Variants in WDR91 observed in about 807,000 individuals in gnomAD.
WDR91 encodes WD repeat-containing protein 91.
WDR91 carries 52 observed loss-of-function variants against 88.4 expected under a neutral mutation model. The ratio of observed to expected loss-of-function variants is 0.59; its 90% CI spans 0.47 to 0.74. The LOEUF is 0.74. Ranked by LOEUF, WDR91 falls within the 30% of genes least tolerant of loss-of-function variation. WDR91 has a pLI of 0.00. For synonymous variants in WDR91, 362 were observed against 389.5 expected, an observed-to-expected ratio of 0.93 and a Z score of 0.83; for missense variants, 824 against 954.5, an observed-to-expected ratio of 0.86 and a Z score of 1.80.
Position 135,209,576 on chromosome 7 carries a change from C to T in WDR91, c.303G>A (p.Gln101=). 1 of 1,573,182 alleles carries T rather than the reference C, an allele frequency of 6.4e-7. No individual in the cohort carries two copies. Among genetic ancestry groups the T allele is most frequent in the Non-Finnish European group, 8.6e-7 (1 of 1,158,292 alleles). Reference sequence around the variant, plus strand: ...GCAGAACCCCTGAATCAACAGGCACCTGGATTGTGTAGACAAGATAAAATC... The same window carrying T: ...GCAGAACCCCTGAATCAACAGGCACTTGGATTGTGTAGACAAGATAAAATC... ...LFRFYLVYTI[Q]TNRNDKAQEF... Residue 101 remains glutamine, a splice_region_variant and synonymous_variant, in exon 2 of 15, where the codon CAG becomes CAA. Transcript: ENST00000354475.
rs368896545 is a variant in WDR91, at chr7:135,186,178, C to T, written c.2217G>A (p.Leu739=). The T allele has an allele frequency of 1.2e-6, 2 of 1,605,582 alleles. No homozygotes were observed. The highest frequency in any genetic ancestry group is 8.5e-7 in the Non-Finnish European group (1 of 1,176,618). ...AGGCTTTATGGGCCAGGAGGGTGGT[C>T]AGCTTGATCTTGCCATCCATGGAGG... ...LTASMDGKIK[L]TTLLAHKA Residue 739 remains leucine (L), a synonymous_variant, in exon 15 of 15, where the codon CTG becomes CTA. Transcript: ENST00000354475.
rs1176432034 is a variant in WDR91 at position 135,206,412 on chromosome 7, A to G, written c.595-354T>C. On this transcript the variant is annotated intron_variant, in intron 4 of 14. Transcript: ENST00000354475. ...CTCTCAAAGCCTGACTCTGGAATGGAAAAAAAAAAAAAACCTGTTAATGAA... is the reference window on the plus strand; with the variant it reads ...CTCTCAAAGCCTGACTCTGGAATGGGAAAAAAAAAAAAACCTGTTAATGAA... Among the ~76,000 whole-genome samples, 8 of 16,144 alleles carry G rather than the reference A, an allele frequency of 5.0e-4. No homozygotes were observed. In the Non-Finnish European group the frequency reaches 0.013, roughly 25 times the overall value. 10.6% of individuals were successfully genotyped at this position (16,144 alleles called of 152,430 possible).
chr7:135,188,579 G>A (rs761931264), intron 12 of WDR91, 34 bp from the exon 13 acceptor site: 2 of 1,573,718 alleles, frequency 1.3e-6, no homozygotes, highest in Non-Finnish European at 1.7e-6. Context: ...TCACATCCTG[G>A]CCAGGGCTCT....
Position 135,207,197 on chromosome 7 carries a change from G to A in WDR91, c.517C>T (p.Pro173Ser), listed in dbSNP as rs771260259. 2 of 1,604,642 alleles carry A rather than the reference G, an allele frequency of 1.2e-6. No individual in the cohort carries two copies. Among genetic ancestry groups the A allele is most frequent in the Admixed American group, 3.3e-5 (2 of 59,752 alleles). ...TCCGCATCAAAGTTCAGGATCACAGGGACTGGTGCACGAAGTTAAAGAATA... is the reference window on the plus strand; with the variant it reads ...TCCGCATCAAAGTTCAGGATCACAGAGACTGGTGCACGAAGTTAAAGAATA... ...LSVLFQCMPV[P>S]VILNFDAECQ... Residue 173 changes from proline (P) to serine (S), a missense_variant, in exon 4 of 15, where the codon CCT becomes TCT. By Grantham distance (74) the Pro-to-Ser change is moderately conservative. Coordinates refer to ENST00000354475, the MANE Select transcript of WDR91 (RefSeq NM_014149.4).
chr7:135,193,869 C>T lies in WDR91; in HGVS notation c.1396-197G>A, dbSNP rs369511118. 85 of 573,320 alleles carry T rather than the reference C, an allele frequency of 1.5e-4. 1 individual carries two copies. Among genetic ancestry groups the T allele is most frequent in the African/African-American group, 1.3e-3 (70 of 53,446 alleles). 35.5% of individuals were successfully genotyped at this position (573,320 alleles called of 1,614,324 possible). On this transcript the variant is annotated intron_variant, in intron 9 of 14. Transcript: ENST00000354475. Reference sequence around the variant, plus strand: ...CAAAGACGTGAGAGCTGACCTTGAACTTCTAAGCAAAACCACAAAAAGTAT... The same window carrying T: ...CAAAGACGTGAGAGCTGACCTTGAATTTCTAAGCAAAACCACAAAAAGTAT...
Position 135,186,187 on chromosome 7 carries a change from C to T in WDR91, c.2208G>A (p.Lys736=). 6.2e-7 allele frequency: 1 copy of T among 1,607,452 alleles called. No individual in the cohort carries two copies. Reference sequence around the variant, plus strand: ...GGGCCAGGAGGGTGGTCAGCTTGATCTTGCCATCCATGGAGGCGGTGAGGC... The same window carrying T: ...GGGCCAGGAGGGTGGTCAGCTTGATTTTGCCATCCATGGAGGCGGTGAGGC... ...GTCLTASMDG[K]IKLTTLLAHK... Residue 736 remains lysine, a synonymous_variant, in exon 15 of 15, where the codon AAG becomes AAA. Coordinates refer to ENST00000354475, the MANE Select transcript of WDR91 (RefSeq NM_014149.4).
chr7:135,207,023 T>A, intron 4 of WDR91, 97 bp downstream of exon 4: 1 of 947,198 alleles, frequency 1.1e-6, no homozygotes, highest in Non-Finnish European at 1.6e-6. Flanking sequence ...GTAGTGGCAG[T>A]GGAAACCTGA....
Position 135,186,331 on chromosome 7 carries a change from A to G in WDR91, c.2080-16T>C, listed in dbSNP as rs1464668472. ...CGCCACCCAGCTGCAAGAGGACAGG[A>G]AAGAGGAGGAGGTGTCAGCAAACAC... On this transcript the variant is annotated splice_polypyrimidine_tract_variant and intron_variant, in intron 14 of 14. Coordinates refer to ENST00000354475, the MANE Select transcript of WDR91 (RefSeq NM_014149.4). The G allele has an allele frequency of 3.7e-6, 6 of 1,608,964 alleles. No individual in the cohort carries two copies. In the South Asian group the frequency reaches 4.4e-5, roughly 12 times the overall value.
chr7:135,206,172 A>G (rs991896493), intron 4 of WDR91, 114 bp from the exon 5 acceptor site: 7 of 1,354,296 alleles, frequency 5.2e-6, no homozygotes, highest in South Asian at 1.2e-5. Flanking sequence ...CACTCGCCTC[A>G]GCGTCAAGGG....
chr7:135,189,313 A>G, intron 12 of WDR91, 31 bp downstream of exon 12: 1 of 1,592,734 alleles, frequency 6.3e-7, no homozygotes, highest in Non-Finnish European at 8.6e-7. Context: ...ATCTAAGGAG[A>G]TCAAGGATTG....
intron 12 of WDR91, 107 bp downstream of exon 12, chr7:135,189,237 T>G: frequency 1.1e-6 from 1 of 877,090 alleles, no homozygotes; most frequent in Non-Finnish European, 1.8e-6. Flanking sequence ...GAAGTCAGGG[T>G]TTTGCAAAAG....
chr7:135,210,264 C>A (rs1831964529), intron 1 of WDR91, among the ~76,000 whole-genome samples: 2 of 152,124 alleles, frequency 1.3e-5, no homozygotes, highest in Admixed American at 6.5e-5. Flanking sequence ...GCAGGAGAAT[C>A]GCTTGAACCC....
chr7:135,199,499 T>C (rs1192621760), intron 6 of WDR91: 3 of 152,020 alleles, frequency 2.0e-5, no homozygotes, highest in South Asian at 2.1e-4. Context: ...CCTGTTGGAG[T>C]TGGCTGTCAA....
chr7:135,193,065 T>C (rs1831228354), intron 11 of WDR91, 166 bp downstream of exon 11: 16 of 1,009,998 alleles, frequency 1.6e-5, no homozygotes, highest in Middle Eastern at 3.3e-4. Flanking sequence ...CTGAATGACA[T>C]GTCACTAACA....
chr7:135,193,865 T>G (rs1253963693), intron 9 of WDR91, 193 bp from the exon 10 acceptor site: 2 of 577,668 alleles, frequency 3.5e-6, no homozygotes, highest in Non-Finnish European at 6.2e-6. Flanking sequence ...GAGCTGACCT[T>G]GAACTTCTAA....
At chr7:135,209,055 G>A in intron 2 of WDR91, 57 bp from the exon 3 acceptor site, 2 of 1,513,002 alleles carry the variant, frequency 1.3e-6, no homozygotes, top group Non-Finnish European at 1.8e-6. Flanking sequence ...CCAGAGGTAA[G>A]ACTCTTCATC....
intron 11 of WDR91, among the ~76,000 whole-genome samples, chr7:135,190,832 CA>C (rs1016852360): frequency 6.6e-6 from 1 of 151,872 alleles, no homozygotes; most frequent in Admixed American, 6.6e-5. Flanking sequence ...CAAAGTGAAA[CA>C]AAAAAGAGGA....
chr7:135,201,418 A>C (rs1421025929), intron 6 of WDR91: 1 of 151,514 alleles, frequency 6.6e-6, no homozygotes, highest in Non-Finnish European at 1.5e-5. Context: ...AGTATCTGCC[A>C]GGCTTTCAAT....
chr7:135,205,217 A>G lies in WDR91; in HGVS notation c.725+711T>C, dbSNP rs113214594. ...CCTCTTTAAACCGTCAGAGAGGTGC[A>G]TGCTTCTACTGAGGAATGCATCCAA... On this transcript the variant is annotated intron_variant, in intron 5 of 14. Coordinates refer to ENST00000354475, the MANE Select transcript of WDR91 (RefSeq NM_014149.4). 1.2e-4 allele frequency among the ~76,000 whole-genome samples: 18 copies of G among 152,358 alleles called. 1 individual carries two copies. Among genetic ancestry groups the G allele is most frequent in the African/African-American group, 4.3e-4 (18 of 41,586 alleles).
Sources: gnomAD v4.1 joint callset for allele counts (sites outside exome capture counted in the v4.1 genomes callset) on GRCh38, gnomAD v4.1.1 for gene constraint, MANE v1.5 for transcripts, NCBI Gene and HGNC (gene_info 2026-07-23, HGNC 2026-07-21) for gene names.